Variants in ADH1A observed in about 807,000 individuals in gnomAD.
The protein encoded by ADH1A is alcohol dehydrogenase 1A (class I), alpha polypeptide.
ADH1A carries 29 observed loss-of-function variants against 35.2 expected under a neutral mutation model. The observed-to-expected ratio is 0.82, with a 90% CI of 0.61 to 1.12. The LOEUF (loss-of-function observed/expected upper bound fraction) is 1.12, where lower values mean the gene tolerates loss of function less well. Among genes scored for constraint, ADH1A ranks in the 50% most tolerant of loss-of-function variants. The pLI is 0.00. For synonymous variants in ADH1A, 147 were observed against 164.8 expected, an observed-to-expected ratio of 0.89 and a Z score of 0.83; for missense variants, 469 against 464.7, an observed-to-expected ratio of 1.01 and a Z score of -0.09.
intron 6 of ADH1A, 137 bp downstream of exon 6, chr4:99,282,209 C>A (rs1299108140): frequency 1.3e-6 from 2 of 1,521,480 alleles, no homozygotes; most frequent in Non-Finnish European, 1.8e-6. Flanking sequence ...ATTAAACAAG[C>A]CAGGTAACAA....
At chr4:99,278,276 C>A (rs768838022) in intron 8 of ADH1A, among the ~76,000 whole-genome samples, 18 of 151,968 alleles carry the variant, frequency 1.2e-4, no homozygotes, top group Non-Finnish European at 4.4e-5. Flanking sequence ...GATAACTAAC[C>A]TTTGATGGCT....
At chr4:99,289,309 T>C (rs780785560) in intron 1 of ADH1A, among the ~76,000 whole-genome samples, 5 of 152,208 alleles carry the variant, frequency 3.3e-5, no homozygotes, top group Non-Finnish European at 7.3e-5. Context: ...ATAAGGATGC[T>C]ACCAGGACAG....
intron 5 of ADH1A, among the ~76,000 whole-genome samples, chr4:99,283,417 G>GTC (rs1313812720): frequency 6.6e-6 from 1 of 152,108 alleles, no homozygotes; most frequent in Non-Finnish European, 1.5e-5. Context: ...TTCATTTTGC[G>GTC]TAACATGCTC....
At chr4:99,279,847 T>A (rs1413659032) in intron 7 of ADH1A, among the ~76,000 whole-genome samples, 1 of 152,162 alleles carries the variant, frequency 6.6e-6, no homozygotes, top group Non-Finnish European at 1.5e-5. Context: ...AATTTGGGTG[T>A]AGATATGAAA....
chr4:99,288,241 C>A (rs532256841), intron 1 of ADH1A, among the ~76,000 whole-genome samples: 2 of 152,256 alleles, frequency 1.3e-5, no homozygotes, highest in East Asian at 3.9e-4. Context: ...CACCCATTTG[C>A]AACTTAGCTT....
chr4:99,282,132 C>G, intron 6 of ADH1A: 2 of 875,944 alleles, frequency 2.3e-6, no homozygotes, highest in Non-Finnish European at 3.4e-6. Flanking sequence ...TGCTTTTCCT[C>G]TAGAGGAAAT....
At chr4:99,290,205 G>C (rs565801410) in intron 1 of ADH1A, among the ~76,000 whole-genome samples, 9 of 152,218 alleles carry the variant, frequency 5.9e-5, no homozygotes, top group African/African-American at 2.2e-4. Flanking sequence ...TGTGTTCCTA[G>C]TGCTAATAAG....
intron 1 of ADH1A, among the ~76,000 whole-genome samples, chr4:99,288,076 GT>G (rs1420254839): frequency 2.3e-4 from 35 of 152,122 alleles, no homozygotes; most frequent in African/African-American, 7.7e-4. Flanking sequence ...AAAATACACT[GT>G]TTTCTTTCTC....
At chr4:99,284,935 C>G (rs1392216423) in intron 3 of ADH1A, 132 bp from the exon 4 acceptor site, 2 of 829,996 alleles carry the variant, frequency 2.4e-6, no homozygotes, top group Admixed American at 5.5e-5. Context: ...ACAGTCCAAT[C>G]ACAAATATGT....
chr4:99,285,782 G>C (rs1733136456), intron 3 of ADH1A, among the ~76,000 whole-genome samples: 2 of 151,912 alleles, frequency 1.3e-5, no homozygotes, highest in African/African-American at 4.8e-5. Flanking sequence ...CAGCACTTTG[G>C]GAGGCCGAGG....
At chr4:99,285,993 G>C (rs1733142248) in intron 3 of ADH1A, among the ~76,000 whole-genome samples, 1 of 140,328 alleles carries the variant, frequency 7.1e-6, no homozygotes, top group Admixed American at 7.6e-5. Context: ...CTGCACTCCA[G>C]CCTGGGCGAC....
rs1331974951 is a variant in ADH1A at position 99,284,713 on chromosome 4, T to C, written c.347+3A>G. On this transcript the variant is annotated splice_donor_region_variant and intron_variant, in intron 4 of 8. Coordinates refer to ENST00000209668, the MANE Select transcript of ADH1A (RefSeq NM_000667.4). ...CTGCGCAGGGAGAGCATCAGAAACC[T>C]ACTCGTTTTTCAAGCAGTAGTTGCT... 14 of 1,613,976 alleles carry C rather than the reference T, an allele frequency of 8.7e-6. No individual in the cohort carries two copies. In the Admixed American group the frequency reaches 2.2e-4, roughly 25 times the overall value.
In ADH1A at chr4:99,284,258, A is replaced by G. The variant is rs367645294; in HGVS notation, c.567+141T>C. ...GTGAAACTTCTAGCATGTGCTCTCA[A>G]TTCTTTCTGGATTGTGTTTCTATTC... On this transcript the variant is annotated intron_variant, in intron 5 of 8. Coordinates refer to ENST00000209668, the MANE Select transcript of ADH1A (RefSeq NM_000667.4). The G allele has an allele frequency of 1.4e-5, 13 of 941,450 alleles. No individual in the cohort carries two copies. The African/African-American group carries it at 2.0e-4, about 15-fold the overall frequency. The allele number at this position is 941,450 out of a possible 1,614,324, so 58.3% of individuals were successfully genotyped here.
intron 6 of ADH1A, 190 bp downstream of exon 6, chr4:99,282,156 C>G (rs773186594): frequency 6.4e-6 from 7 of 1,092,372 alleles, no homozygotes; most frequent in African/African-American, 4.8e-5. Flanking sequence ...ACTTGAGACA[C>G]GTTTGCATAG....
At position 99,287,555 on chromosome 4, in the gene ADH1A, G is replaced by T. The variant is rs1733184974; in HGVS notation, c.120+9C>A. 3.7e-6 allele frequency: 6 copies of T among 1,603,048 alleles called. No homozygotes were observed. The highest frequency in any genetic ancestry group is 5.1e-6 in the Non-Finnish European group (6 of 1,175,616). ...AAAACTTAAATACAAATGGAAAAAT[G>T]TATTTCACCTTAATACGAACTTCAT... On this transcript the variant is annotated intron_variant, in intron 2 of 8. Transcript: ENST00000209668.
intron 1 of ADH1A, chr4:99,288,578 A>G (rs759689498): frequency 6.6e-6 from 1 of 152,164 alleles, no homozygotes; most frequent in African/African-American, 2.4e-5. Context: ...AATCAACAAA[A>G]TTGCAATTAT....
At chr4:99,276,787 G>T in intron 8 of ADH1A, 139 bp from the exon 9 acceptor site, 2 of 770,498 alleles carry the variant, frequency 2.6e-6, no homozygotes, top group Non-Finnish European at 4.4e-6. Flanking sequence ...TTCGGGTCAA[G>T]TGAAGTCAAA....
intron 5 of ADH1A, among the ~76,000 whole-genome samples, chr4:99,283,355 T>A (rs1250450095): frequency 6.6e-6 from 1 of 152,158 alleles, no homozygotes; most frequent in Non-Finnish European, 1.5e-5. Context: ...CCATCTACAT[T>A]TTTTTAATTG....
intron 2 of ADH1A, 90 bp from the exon 3 acceptor site, chr4:99,287,078 G>A (rs1733171059): frequency 6.8e-7 from 1 of 1,478,516 alleles, no homozygotes; most frequent in Admixed American, 2.1e-5. Context: ...CTTCCAAAAT[G>A]TTTTCAAGGG....
Sources: allele counts gnomAD v4.1 joint callset (sites outside exome capture counted in the v4.1 genomes callset), GRCh38; gene constraint gnomAD v4.1.1; transcripts MANE v1.5; gene names NCBI Gene and HGNC (gene_info 2026-07-23, HGNC 2026-07-21).